TNFRSF14: variants seen among roughly 807,000 people sequenced by gnomAD.
The protein encoded by TNFRSF14 is tumor necrosis factor receptor superfamily member 14.
A neutral mutation model predicts 34.1 loss-of-function variants in TNFRSF14; 18 were observed. The ratio of observed to expected loss-of-function variants is 0.53; its 90% CI spans 0.36 to 0.78. The LOEUF (loss-of-function observed/expected upper bound fraction) is 0.78. Ranked by LOEUF, TNFRSF14 falls within the 30% of genes least tolerant of loss-of-function variation. The pLI is 0.00. For missense variants in TNFRSF14, 352 were observed against 379.5 expected, an observed-to-expected ratio of 0.93 and a Z score of 0.60; for synonymous variants, 157 against 153.2, an observed-to-expected ratio of 1.02 and a Z score of -0.18.
intron 1 of TNFRSF14, chr1:2,557,036 GCTGGGTGTCT>G (rs1644226031): frequency 4.9e-6 from 2 of 404,914 alleles, no homozygotes; most frequent in Non-Finnish European, 8.9e-6. Context: ...ACTTCTGGGG[GCTGGGTGTCT>G]CTGGGCGTCT....
intron 6 of TNFRSF14, chr1:2,562,156 C>T (rs1644319680): frequency 5.2e-6 from 2 of 384,636 alleles, no homozygotes; most frequent in African/African-American, 2.0e-5. Flanking sequence ...TGAGGGTCAA[C>T]AGCCGCCCTG....
chr1:2,558,649 C>T lies in TNFRSF14; in HGVS notation c.304+181C>T, dbSNP rs11573973. The T allele has an allele frequency of 3.5e-3, 4,444 of 1,261,538 alleles. 13 individuals are homozygous for T. Among genetic ancestry groups the T allele is most frequent in the Non-Finnish European group, 4.5e-3 (4,153 of 923,340 alleles). The allele number at this position is 1,261,538 out of a possible 1,614,324, so 78.1% of individuals were successfully genotyped here. A position where few individuals can be genotyped will look rare whatever the true frequency, so the allele number is the denominator to read the frequency against. The stretch of plus-strand genomic sequence containing the variant: ...CGCCTTGAGGTCAGCCTCCGGCCCC[C>T]GTCCACCTCTGTCTCACCTCTCACT... On this transcript the variant is annotated intron_variant, in intron 3 of 7. Coordinates refer to ENST00000355716, the MANE Select transcript of TNFRSF14 (RefSeq NM_003820.4).
chr1:2,559,351 G>A, intron 3 of TNFRSF14: 1 of 1,375,582 alleles, frequency 7.3e-7, no homozygotes, highest in East Asian at 3.4e-5. Context: ...GAGGGGCCCA[G>A]GCCCAGCTTG....
chr1:2,559,335 C>G (rs768233624), intron 3 of TNFRSF14: 1 of 1,372,846 alleles, frequency 7.3e-7, no homozygotes, highest in South Asian at 1.2e-5. Flanking sequence ...GTGAGGCTGC[C>G]CTCAGGAGGG....
At chr1:2,563,058 C>T in intron 7 of TNFRSF14, 90 bp from the exon 8 acceptor site, 1 of 1,594,548 alleles carries the variant, frequency 6.3e-7, no homozygotes, top group Non-Finnish European at 8.6e-7. Context: ...AACCCACCCC[C>T]TCAAACTGAA....
At chr1:2,562,746 C>A in intron 6 of TNFRSF14, 119 bp from the exon 7 acceptor site, 1 of 1,314,424 alleles carries the variant, frequency 7.6e-7, no homozygotes, top group Non-Finnish European at 1.1e-6. Flanking sequence ...CCCTTGGGGA[C>A]GGTCTCCCAG....
At chr1:2,558,625 G>A (rs1226110949) in intron 3 of TNFRSF14, 157 bp downstream of exon 3, 17 of 1,405,182 alleles carry the variant, frequency 1.2e-5, no homozygotes, top group Middle Eastern at 2.5e-4. Flanking sequence ...TGCAGGGGAC[G>A]CCTTGAGGTC....
chr1:2,562,539 G>C (rs912909926), intron 6 of TNFRSF14: 14 of 506,614 alleles, frequency 2.8e-5, no homozygotes, highest in Non-Finnish European at 4.6e-5. Context: ...ATGGTGGGCA[G>C]GGCCTCTCCA....
Position 2,560,718 on chromosome 1 carries a change from A to G in TNFRSF14, c.551+4A>G, listed in dbSNP as rs1431733640. 6.2e-7 allele frequency: 1 copy of G among 1,613,044 alleles called. No homozygotes were observed. Among genetic ancestry groups the G allele is most frequent in the Admixed American group, 1.7e-5 (1 of 59,984 alleles). On this transcript the variant is annotated splice_donor_region_variant and intron_variant, in intron 5 of 7. Transcript: ENST00000355716. ...AGGAATGTCAGCACCAGACCAAGTAAGTGAACCCGGGGGAGGCCCAGCTCT... is the reference window on the plus strand; with the variant it reads ...AGGAATGTCAGCACCAGACCAAGTAGGTGAACCCGGGGGAGGCCCAGCTCT...
At chr1:2,558,958 G>A (rs1401202073) in intron 3 of TNFRSF14, 3 of 1,366,166 alleles carry the variant, frequency 2.2e-6, no homozygotes, top group African/African-American at 2.9e-5. Flanking sequence ...CAGACAGAAA[G>A]GGGAACCAGA....
chr1:2,557,505 C>T (rs184889333), intron 1 of TNFRSF14, among the ~76,000 whole-genome samples: 266 of 152,208 alleles, frequency 1.7e-3, no homozygotes, highest in Non-Finnish European at 3.3e-3. Flanking sequence ...TGCCAGGCAG[C>T]GTCATCAGGG....
rs886365369 is a variant in TNFRSF14 at position 2,558,191 on chromosome 1, A to T, written c.179-152A>T. On this transcript the variant is annotated intron_variant, in intron 2 of 7. Coordinates refer to ENST00000355716, the MANE Select transcript of TNFRSF14 (RefSeq NM_003820.4). ...CCCAGAGCAGCTCTGCTCATGGCTG[A>T]TGGGGCTGCTGTGTCCCGTGGGGCT... is the stretch of plus-strand genomic sequence containing the variant. 4 of 1,185,510 alleles carry T rather than the reference A, an allele frequency of 3.4e-6. No homozygotes were observed. In the African/African-American group the frequency reaches 6.3e-5, roughly 19 times the overall value. The allele number at this position is 1,185,510 out of a possible 1,614,324, so 73.4% of individuals were successfully genotyped here. A position where few individuals can be genotyped will look rare whatever the true frequency, so the allele number is the denominator to read the frequency against.
At chr1:2,558,626 C>A in intron 3 of TNFRSF14, 158 bp downstream of exon 3, 1 of 1,406,390 alleles carries the variant, frequency 7.1e-7, no homozygotes, top group East Asian at 2.3e-5. Context: ...GCAGGGGACG[C>A]CTTGAGGTCA....
chr1:2,562,883 T>C lies in TNFRSF14; in HGVS notation c.713T>C (p.Ile238Thr), dbSNP rs949959358. The change falls in exon 7 of 8, where the codon ATC becomes ACC. Residue 238 changes from isoleucine (I) to threonine (T), a missense_variant. Ile to Thr is a moderately conservative substitution (Grantham distance 89). Coordinates refer to ENST00000355716, the MANE Select transcript of TNFRSF14 (RefSeq NM_003820.4). ...RKPRGDVVKV[I>T]VSVQRKRQEA... is the part of the protein sequence containing the mutation. ...ATTGCAGGTGATGTAGTCAAGGTGA[T>C]CGTCTCCGTCCAGGTATTGATCCTC... is the stretch of plus-strand genomic sequence containing the variant. 3.7e-6 allele frequency: 6 copies of C among 1,613,784 alleles called. No individual in the cohort carries two copies. In the Admixed American group the frequency reaches 8.3e-5, roughly 22 times the overall value.
At position 2,559,953 on chromosome 1, in the gene TNFRSF14, C is replaced by T. The variant is rs1208139796; in HGVS notation, c.435C>T (p.Ser145=). ...CAACRAYATS[S]PGQRVQKGGT... ...CGTGCCGCGCTTACGCCACCTCCAG[C>T]CCGGGCCAGAGGGTGCAGAAGGGAG... Residue 145 remains serine (S), a synonymous_variant, in exon 4 of 8, where the codon AGC becomes AGT. Coordinates refer to ENST00000355716, the MANE Select transcript of TNFRSF14 (RefSeq NM_003820.4). 3 of 1,586,914 alleles carry T rather than the reference C, an allele frequency of 1.9e-6. No individual in the cohort carries two copies. In the African/African-American group the frequency reaches 4.0e-5, roughly 21 times the overall value.
Position 2,563,479 on chromosome 1 carries a change from C to T in TNFRSF14, c.*206C>T. The stretch of plus-strand genomic sequence containing the variant: ...TGCCATTCCCATGGGCCAGTGAGGG[C>T]CTGGGGCCTCTGTTCTGCTGTGGCC... On this transcript the variant is annotated 3_prime_UTR_variant, in exon 8 of 8. Coordinates refer to ENST00000355716, the MANE Select transcript of TNFRSF14 (RefSeq NM_003820.4). The T allele has an allele frequency of 1.3e-6, 1 of 746,316 alleles. No individual in the cohort carries two copies. Among genetic ancestry groups the T allele is most frequent in the Non-Finnish European group, 2.1e-6 (1 of 475,738 alleles). 46.2% of individuals were successfully genotyped at this position (746,316 alleles called of 1,614,324 possible).
intron 1 of TNFRSF14, 41 bp from the exon 2 acceptor site, chr1:2,557,685 G>A: frequency 6.8e-7 from 1 of 1,467,998 alleles, no homozygotes; most frequent in Non-Finnish European, 9.3e-7. Flanking sequence ...AGCCCACAGG[G>A]CAGCCAGGGC....
chr1:2,557,555 C>T (rs552712624), intron 1 of TNFRSF14, among the ~76,000 whole-genome samples, 171 bp from the exon 2 acceptor site: 1 of 152,172 alleles, frequency 6.6e-6, no homozygotes. Flanking sequence ...CGGGCTCCAG[C>T]GGTCGGCAAG....
At chr1:2,558,693 C>G (rs1644256990) in intron 3 of TNFRSF14, 4 of 1,128,122 alleles carry the variant, frequency 3.5e-6, no homozygotes, top group Non-Finnish European at 4.9e-6. Flanking sequence ...GCCAGGTGGG[C>G]CATCCTGAGC....
Sources: gnomAD v4.1 joint callset for allele counts (sites outside exome capture counted in the v4.1 genomes callset) on GRCh38, gnomAD v4.1.1 for gene constraint, MANE v1.5 for transcripts, NCBI Gene and HGNC (gene_info 2026-07-23, HGNC 2026-07-21) for gene names.